Variants in PTPRO observed in about 807,000 individuals in gnomAD.
PTPRO encodes protein tyrosine phosphatase receptor type O.
Under a neutral mutation model 145.2 loss-of-function variants are expected in PTPRO, and 62 were observed. The observed-to-expected ratio is 0.43, with a 90% confidence interval of 0.35 to 0.53. The LOEUF (loss-of-function observed/expected upper bound fraction) is 0.53. Among genes scored for constraint, PTPRO ranks in the 20% least tolerant of loss-of-function variants. The pLI is 0.01. For synonymous variants in PTPRO, 565 were observed against 514.7 expected (o/e 1.10, Z -1.32); for missense variants, 1,345 against 1,482.7 (o/e 0.91, Z 1.53).
intron 1 of PTPRO, among the ~76,000 whole-genome samples, chr12:15,385,897 T>C (rs183978852): frequency 3.3e-5 from 5 of 149,948 alleles, no homozygotes; most frequent in African/African-American, 7.4e-5. Flanking sequence ...AAAAGAGATA[T>C]AGAGATAAAG....
chr12:15,332,169 G>A (rs1206527177), intron 1 of PTPRO, among the ~76,000 whole-genome samples: 1 of 151,908 alleles, frequency 6.6e-6, no homozygotes, highest in East Asian at 1.9e-4. Context: ...ATTTCACCAT[G>A]TTGGCCAGGT....
At chr12:15,360,744 CTA>C (rs1565585374) in intron 1 of PTPRO, among the ~76,000 whole-genome samples, 2 of 141,502 alleles carry the variant, frequency 1.4e-5, no homozygotes, top group East Asian at 2.2e-4. Flanking sequence ...AACACACACA[CTA>C]TGTGTGTGTA....
intron 1 of PTPRO, among the ~76,000 whole-genome samples, chr12:15,476,714 A>G (rs1384901417): frequency 6.6e-6 from 1 of 152,062 alleles, no homozygotes; most frequent in Non-Finnish European, 1.5e-5. Context: ...AGTTCTCAAA[A>G]GAAGACATTT....
intron 7 of PTPRO, among the ~76,000 whole-genome samples, chr12:15,510,295 A>G (rs1171891507): frequency 1.3e-5 from 2 of 152,208 alleles, no homozygotes; most frequent in African/African-American, 4.8e-5. Context: ...AGGAATAAAT[A>G]TGCTAAACCG....
intron 1 of PTPRO, among the ~76,000 whole-genome samples, chr12:15,324,428 A>T (rs1351833415): frequency 6.6e-6 from 1 of 152,196 alleles, no homozygotes; most frequent in Non-Finnish European, 1.5e-5. Context: ...TTGACTTAAA[A>T]CTCGATATTG....
intron 9 of PTPRO, 25 bp from the exon 10 acceptor site, chr12:15,520,176 C>T (rs1260007929): frequency 3.9e-6 from 6 of 1,526,716 alleles, no homozygotes; most frequent in Non-Finnish European, 5.5e-6. Context: ...AGTCTTTTGT[C>T]TCCTTGCTTG....
chr12:15,540,943 A>G (rs181270693), intron 12 of PTPRO, among the ~76,000 whole-genome samples: 207 of 152,344 alleles, frequency 1.4e-3, no homozygotes, highest in Middle Eastern at 0.01. Flanking sequence ...GAGAGAAGAA[A>G]AGAAAATAGG....
At chr12:15,528,317 C>T (rs1942885554) in intron 12 of PTPRO, among the ~76,000 whole-genome samples, 1 of 150,576 alleles carries the variant, frequency 6.6e-6, no homozygotes, top group African/African-American at 2.4e-5. Context: ...GAGATCAAGA[C>T]CATCCTGGCT....
chr12:15,336,947 G>A (rs572958727), intron 1 of PTPRO, among the ~76,000 whole-genome samples: 188 of 152,144 alleles, frequency 1.2e-3, no homozygotes, highest in Non-Finnish European at 2.3e-3. Context: ...ACTGCACCTC[G>A]CTGACCACTG....
chr12:15,440,128 T>C, intron 1 of PTPRO: 1 of 646,052 alleles, frequency 1.5e-6, no homozygotes, highest in Non-Finnish European at 2.8e-6. Context: ...CCAGGAACAT[T>C]GGCATCATCT....
intron 1 of PTPRO, among the ~76,000 whole-genome samples, chr12:15,461,552 A>G (rs1463546928): frequency 7.2e-6 from 1 of 139,018 alleles, no homozygotes. Flanking sequence ...CAAGTCCTTC[A>G]TTTATTGCTA....
chr12:15,558,079 C>A (rs4764207), intron 16 of PTPRO, among the ~76,000 whole-genome samples: 48,188 of 151,652 alleles, frequency 0.32, 7,869 homozygotes, highest in Middle Eastern at 0.5. Context: ...GGACTACAGG[C>A]GCGCACCACC....
At chr12:15,580,910 T>C (rs912753595) in intron 22 of PTPRO, 79 bp downstream of exon 22, 1 of 1,555,378 alleles carries the variant, frequency 6.4e-7, no homozygotes, top group Non-Finnish European at 8.8e-7. Flanking sequence ...GCTTGCTGTT[T>C]TCAAAGTCAA....
intron 1 of PTPRO, among the ~76,000 whole-genome samples, chr12:15,365,811 C>T (rs1286224078): frequency 1.3e-5 from 2 of 152,104 alleles, no homozygotes; most frequent in Non-Finnish European, 2.9e-5. Flanking sequence ...GGTCAGTGAA[C>T]ACCCATCCCT....
rs148970239 is a variant in PTPRO at position 15,596,544 on chromosome 12, T to C, written c.*471T>C. 2.8e-3 allele frequency: 426 copies of C among 152,688 alleles called. 1 individual carries two copies. Among genetic ancestry groups the C allele is most frequent in the Non-Finnish European group, 3.4e-3 (232 of 68,022 alleles). 9.5% of individuals were successfully genotyped at this position (152,688 alleles called of 1,614,324 possible). A position where few individuals can be genotyped will look rare whatever the true frequency, so the allele number is the denominator to read the frequency against. ...ATTGTTAGCATCAGATTATACCTCA[T>C]TATTAAAAGGAGGCATGGCCACACA... On this transcript the variant is annotated 3_prime_UTR_variant, in exon 27 of 27. Coordinates refer to ENST00000281171, the MANE Select transcript of PTPRO (RefSeq NM_030667.3).
chr12:15,530,134 G>T (rs554322301), intron 12 of PTPRO, among the ~76,000 whole-genome samples: 14 of 152,108 alleles, frequency 9.2e-5, no homozygotes, highest in Non-Finnish European at 1.8e-4. Context: ...AGACAAAGAG[G>T]GTTACTATAT....
Position 15,578,871 on chromosome 12 carries a change from C to G in PTPRO, c.2848C>G (p.Leu950Val). The change falls in exon 20 of 27, where the codon CTG becomes GTG. Residue 950 changes from leucine to valine, a missense_variant. Physicochemically the swap from Leu to Val is conservative, Grantham distance 32. Around this residue, in one of 3 missense-constraint regions of PTPRO, gnomAD observed 1,130 missense variants for 1,214.7 expected, o/e 0.93. Coordinates refer to ENST00000281171, the MANE Select transcript of PTPRO (RefSeq NM_030667.3). ...TTTACAGGAGTTGAAATTGATTGGA[C>G]TGGATATCCCACACTTTGCTGCAGA... ...LQFEELKLIGLDIPHFAADLP... is the reference protein window; with the variant it reads ...LQFEELKLIGVDIPHFAADLP... 6.2e-7 allele frequency: 1 copy of G among 1,601,376 alleles called. No homozygotes were observed. Among genetic ancestry groups the G allele is most frequent in the Non-Finnish European group, 8.6e-7 (1 of 1,168,418 alleles).
chr12:15,556,686 T>A (rs1389779288), intron 15 of PTPRO, among the ~76,000 whole-genome samples: 3 of 152,112 alleles, frequency 2.0e-5, no homozygotes, highest in Non-Finnish European at 4.4e-5. Flanking sequence ...AAGTAAACAA[T>A]CCACTTGATC....
intron 12 of PTPRO, among the ~76,000 whole-genome samples, chr12:15,536,193 T>C (rs536008369): frequency 1.3e-5 from 2 of 152,240 alleles, no homozygotes; most frequent in East Asian, 1.9e-4. Context: ...GAAAAGGAGA[T>C]GATAAACATA....
Sources: gnomAD v4.1 joint callset for allele counts (sites outside exome capture counted in the v4.1 genomes callset) on GRCh38, gnomAD v4.1.1 for gene constraint, gnomAD v4.1.1 regional missense constraint, MANE v1.5 for transcripts, NCBI Gene and HGNC (gene_info 2026-07-23, HGNC 2026-07-21) for gene names.